Variants in INPP4B observed in about 807,000 individuals in gnomAD.
The protein encoded by INPP4B is inositol polyphosphate-4-phosphatase type II B, also known as inositol polyphosphate 4-phosphatase type II.
Under a neutral mutation model 122.5 loss-of-function variants are expected in INPP4B, and 55 were observed. The ratio of observed to expected loss-of-function variants is 0.45; its 90% CI spans 0.36 to 0.56. The LOEUF is 0.56. Among genes scored for constraint, INPP4B ranks in the 20% least tolerant of loss-of-function variants. The pLI is 0.00. For missense variants in INPP4B, 1,000 were observed against 1,097.7 expected, an observed-to-expected ratio of 0.91 and a Z score of 1.26; for synonymous variants, 403 against 388.7, an observed-to-expected ratio of 1.04 and a Z score of -0.43.
rs143266710 is a variant in INPP4B at position 142,694,335 on chromosome 4, T to A, written c.-191+31504A>T. Among the ~76,000 whole-genome samples the A allele has an allele frequency of 5.3e-3, 785 of 147,424 alleles. 6 individuals are homozygous for A. Among genetic ancestry groups the A allele is most frequent in the African/African-American group, 0.018 (712 of 39,832 alleles). ...TTGCAGTGAGCCGAGATTGTACCAC[T>A]GCACTTTAGCCTGGGTGACAGAACG... is the stretch of plus-strand genomic sequence containing the variant. On this transcript the variant is annotated intron_variant, in intron 2 of 25. Transcript: ENST00000262992.
At chr4:142,567,741 C>A (rs1179015919) in intron 2 of INPP4B, among the ~76,000 whole-genome samples, 2 of 151,992 alleles carry the variant, frequency 1.3e-5, no homozygotes, top group East Asian at 3.9e-4. Context: ...ATCACCACAG[C>A]CAAAGTAATC....
At chr4:142,244,532 T>C (rs1579419476) in intron 11 of INPP4B, among the ~76,000 whole-genome samples, 1 of 151,922 alleles carries the variant, frequency 6.6e-6, no homozygotes, top group East Asian at 1.9e-4. Context: ...CTTGAACTCC[T>C]GACCTCATGA....
At position 142,391,511 on chromosome 4, in the gene INPP4B, G is replaced by A. The variant is rs139071587; in HGVS notation, c.372+11427C>T. Among the ~76,000 whole-genome samples the A allele has an allele frequency of 6.0e-3, 911 of 152,234 alleles. 9 individuals are homozygous for A. Among genetic ancestry groups the A allele is most frequent in the African/African-American group, 0.02 (845 of 41,532 alleles). The stretch of plus-strand genomic sequence containing the variant: ...CAGGAAGCAGAGGTTGCAGTAAGCC[G>A]AGATCGTGCCACTGCACTCCAGCCT... On this transcript the variant is annotated intron_variant, in intron 7 of 25. Transcript: ENST00000262992.
chr4:142,557,575 G>A (rs1387211425), intron 2 of INPP4B, among the ~76,000 whole-genome samples: 1 of 152,200 alleles, frequency 6.6e-6, no homozygotes, highest in Non-Finnish European at 1.5e-5. Flanking sequence ...GCAGACACAT[G>A]CTCCCGATGT....
At chr4:142,360,800 CAT>C (rs994096623) in intron 7 of INPP4B, among the ~76,000 whole-genome samples, 120 of 151,874 alleles carry the variant, frequency 7.9e-4, no homozygotes, top group African/African-American at 2.8e-3. Flanking sequence ...TCATTTATAA[CAT>C]GTTAGGTGGA....
chr4:142,561,493 A>T (rs1297953922), intron 2 of INPP4B, among the ~76,000 whole-genome samples: 1 of 152,120 alleles, frequency 6.6e-6, no homozygotes, highest in Non-Finnish European at 1.5e-5. Context: ...ATCTCAGCTC[A>T]CTGCAACCTC....
chr4:142,517,613 G>T (rs1207458967), intron 2 of INPP4B, among the ~76,000 whole-genome samples: 1 of 152,130 alleles, frequency 6.6e-6, no homozygotes, highest in African/African-American at 2.4e-5. Context: ...CAAAGAAAGT[G>T]AGCTTCTAAA....
chr4:142,258,157 A>T (rs1737471094), intron 11 of INPP4B, among the ~76,000 whole-genome samples: 1 of 152,150 alleles, frequency 6.6e-6, no homozygotes, highest in South Asian at 2.1e-4. Flanking sequence ...CATATGTAGA[A>T]AGCTGAAACT....
chr4:142,185,086 A>T (rs1579209223), intron 15 of INPP4B, among the ~76,000 whole-genome samples: 1 of 152,208 alleles, frequency 6.6e-6, no homozygotes, highest in Non-Finnish European at 1.5e-5. Context: ...CAGTGGTTCT[A>T]TGTGCTAGGA....
intron 11 of INPP4B, among the ~76,000 whole-genome samples, chr4:142,242,165 G>A (rs1859730596): frequency 6.6e-6 from 1 of 152,122 alleles, no homozygotes; most frequent in Admixed American, 6.6e-5. Context: ...TGTATTTGAA[G>A]ATATCTTAAA....
At chr4:142,432,832 T>C (rs1248331857) in intron 3 of INPP4B, among the ~76,000 whole-genome samples, 1 of 152,108 alleles carries the variant, frequency 6.6e-6, no homozygotes, top group Non-Finnish European at 1.5e-5. Flanking sequence ...GGAGGCAGTA[T>C]GATGAATCCT....
chr4:142,060,600 T>C (rs1461058707), intron 25 of INPP4B, among the ~76,000 whole-genome samples: 1 of 152,168 alleles, frequency 6.6e-6, no homozygotes, highest in Non-Finnish European at 1.5e-5. Context: ...CTGTAAGGCC[T>C]TTTGCATGTC....
chr4:142,043,350 AAAAT>A (rs1201766355), intron 25 of INPP4B, among the ~76,000 whole-genome samples: 1 of 152,236 alleles, frequency 6.6e-6, no homozygotes, highest in Non-Finnish European at 1.5e-5. Context: ...TGAAAAAGGC[AAAAT>A]ATAAAATATA....
chr4:142,034,341 C>A (rs563216823), intron 25 of INPP4B, among the ~76,000 whole-genome samples: 1 of 152,146 alleles, frequency 6.6e-6, no homozygotes, highest in East Asian at 1.9e-4. Flanking sequence ...GCTCAACATC[C>A]TGCAATGCAT....
intron 7 of INPP4B, among the ~76,000 whole-genome samples, chr4:142,362,396 GAGAA>G (rs1228102197): frequency 2.0e-5 from 3 of 151,858 alleles, no homozygotes; most frequent in Non-Finnish European, 4.4e-5. Context: ...GAAGAGAAAA[GAGAA>G]AGAGAGAAAA....
At chr4:142,029,576 C>G in intron 25 of INPP4B, 2 of 985,490 alleles carry the variant, frequency 2.0e-6, no homozygotes, top group Non-Finnish European at 2.4e-6. Context: ...ACAAGAGATA[C>G]AAACAGGTAA....
chr4:142,392,900 C>A (rs1361241623), intron 7 of INPP4B, among the ~76,000 whole-genome samples: 1 of 152,152 alleles, frequency 6.6e-6, no homozygotes. Flanking sequence ...CTACATCATT[C>A]TTTATTTGGT....
intron 7 of INPP4B, among the ~76,000 whole-genome samples, chr4:142,394,683 GTTGT>G (rs1415309294): frequency 1.3e-5 from 2 of 152,036 alleles, no homozygotes; most frequent in Non-Finnish European, 2.9e-5. Flanking sequence ...TCATTATTGA[GTTGT>G]TTGAGTTACA....
At chr4:142,081,677 T>C (rs1418483368) in intron 25 of INPP4B, among the ~76,000 whole-genome samples, 1 of 152,132 alleles carries the variant, frequency 6.6e-6, no homozygotes, top group Non-Finnish European at 1.5e-5. Flanking sequence ...AACTTGCTCT[T>C]ACAGTGTTAT....
Sources: allele counts gnomAD v4.1 joint callset (sites outside exome capture counted in the v4.1 genomes callset), GRCh38; gene constraint gnomAD v4.1.1; transcripts MANE v1.5; gene names NCBI Gene and HGNC (gene_info 2026-07-23, HGNC 2026-07-21).